The following FAM169A variants were observed in gnomAD, a reference collection of about 807,000 sequenced individuals.
FAM169A encodes the protein family with sequence similarity 169 member A.
A neutral mutation model predicts 75.7 loss-of-function variants in FAM169A; 24 were observed. The ratio of observed to expected loss-of-function variants is 0.32; its 90% confidence interval spans 0.23 to 0.45. The LOEUF (loss-of-function observed/expected upper bound fraction) is 0.45. FAM169A is among the 20% of genes least tolerant of loss of function. The probability of loss-of-function intolerance (pLI) is 1.00; values close to 1 mark genes in which losing one functional copy is unlikely to be tolerated. For missense variants in FAM169A, 673 were observed against 784.0 expected, an observed-to-expected ratio of 0.86 and a Z score of 1.69; for synonymous variants, 271 against 271.0, an observed-to-expected ratio of 1.00 and a Z score of 0.00.
In FAM169A at chr5:74,804,561, C is replaced by G; in HGVS notation, c.844G>C (p.Gly282Arg). 6.2e-7 allele frequency: 1 copy of G among 1,612,212 alleles called. No individual in the cohort carries two copies. Among genetic ancestry groups the G allele is most frequent in the South Asian group, 1.1e-5 (1 of 90,666 alleles). The change falls in exon 8 of 13, where the codon GGT becomes CGT. Residue 282 changes from glycine to arginine, a missense_variant. Gly to Arg is a moderately radical substitution (Grantham distance 125). Around this residue, in one of 3 missense-constraint regions of FAM169A, gnomAD observed 510 missense variants for 550.9 expected, o/e 0.93. Coordinates refer to ENST00000687041, the MANE Select transcript of FAM169A (RefSeq NM_001376049.1). ...TCGTATTCTGGAACAGATGCAGGAC[C>G]ATATTCTCCAGACATAGGTCTTTTA... Reference protein sequence around the residue: ...EPKRPMSGEYGPASVPEYEAR... With the variant: ...EPKRPMSGEYRPASVPEYEAR...
chr5:74,831,470 G>A (rs966182697), intron 5 of FAM169A, among the ~76,000 whole-genome samples: 12 of 152,144 alleles, frequency 7.9e-5, no homozygotes, highest in African/African-American at 2.9e-4. Flanking sequence ...CTAAGGTACA[G>A]ATTGAATAAC....
chr5:74,846,469 CACTT>C (rs1561322350), intron 1 of FAM169A, among the ~76,000 whole-genome samples: 2 of 152,168 alleles, frequency 1.3e-5, no homozygotes. Flanking sequence ...ATTTCTTTTT[CACTT>C]ACTGTTACTA....
At chr5:74,783,999 AAAAT>A (rs1222882214) in intron 11 of FAM169A, among the ~76,000 whole-genome samples, 1 of 152,116 alleles carries the variant, frequency 6.6e-6, no homozygotes, top group Non-Finnish European at 1.5e-5. Flanking sequence ...AAATTGTTCT[AAAAT>A]AAAAATTGTC....
intron 5 of FAM169A, 56 bp downstream of exon 5, chr5:74,834,370 G>T (rs1175691824): frequency 1.1e-5 from 11 of 1,029,004 alleles, no homozygotes; most frequent in Non-Finnish European, 9.3e-6. Flanking sequence ...ACAGTTGGAG[G>T]GGTCTAAAAT....
intron 12 of FAM169A, 70 bp downstream of exon 12, chr5:74,782,861 C>T: frequency 6.3e-6 from 7 of 1,107,124 alleles, no homozygotes; most frequent in South Asian, 1.5e-5. Context: ...ATATATATAC[C>T]ATGCACCCTC....
chr5:74,799,068 C>T, intron 10 of FAM169A: 3 of 1,009,316 alleles, frequency 3.0e-6, no homozygotes, highest in East Asian at 2.4e-5. Context: ...AGATTGCCCT[C>T]AGTGTCAATA....
intron 1 of FAM169A, among the ~76,000 whole-genome samples, chr5:74,857,571 GGAAAAAAAAAAAAAA>G (rs1249316413): frequency 2.9e-4 from 19 of 65,718 alleles, no homozygotes; most frequent in African/African-American, 1.1e-3. Flanking sequence ...CCTTGCCGCG[GGAAAAAAAAAAAAAA>G]AAAAAAAAAA....
At chr5:74,817,533 C>T (rs1430758176) in intron 5 of FAM169A, among the ~76,000 whole-genome samples, 1 of 151,828 alleles carries the variant, frequency 6.6e-6, no homozygotes, top group Non-Finnish European at 1.5e-5. Context: ...TTAGAGAACA[C>T]CTAAAAAAAA....
At chr5:74,834,183 C>A (rs1156688336) in intron 5 of FAM169A, among the ~76,000 whole-genome samples, 1 of 152,060 alleles carries the variant, frequency 6.6e-6, no homozygotes, top group Admixed American at 6.5e-5. Context: ...ACTGTGTCTC[C>A]ATATATATGG....
intron 5 of FAM169A, among the ~76,000 whole-genome samples, chr5:74,823,195 T>C (rs1300212213): frequency 6.6e-6 from 1 of 152,204 alleles, no homozygotes; most frequent in African/African-American, 2.4e-5. Flanking sequence ...TTAAGATCCT[T>C]TGCAATGGGA....
At chr5:74,847,899 A>G (rs1288279558) in intron 1 of FAM169A, among the ~76,000 whole-genome samples, 1 of 152,206 alleles carries the variant, frequency 6.6e-6, no homozygotes, top group Non-Finnish European at 1.5e-5. Flanking sequence ...TGTGTCCCAG[A>G]GTCTGACAAT....
rs758812085 is a variant in FAM169A, at chr5:74,803,484, A to C, written c.912+1009T>G. On this transcript the variant is annotated intron_variant, in intron 8 of 12. Coordinates refer to ENST00000687041, the MANE Select transcript of FAM169A (RefSeq NM_001376049.1). Reference sequence around the variant, plus strand: ...ATTGAGACAGAAAATAAGCACAAATAATTCCCTAAAGCAGTTGTTTCTAAC... The same window carrying C: ...ATTGAGACAGAAAATAAGCACAAATCATTCCCTAAAGCAGTTGTTTCTAAC... Among the ~76,000 whole-genome samples the C allele has an allele frequency of 2.0e-5, 3 of 152,134 alleles. No individual in the cohort carries two copies. In the East Asian group the frequency reaches 5.8e-4, roughly 29 times the overall value.
chr5:74,785,979 T>C (rs1745676034), intron 11 of FAM169A, among the ~76,000 whole-genome samples: 2 of 152,172 alleles, frequency 1.3e-5, no homozygotes, highest in South Asian at 4.1e-4. Context: ...TTTGAGTCAG[T>C]GGACTGGGAG....
chr5:74,853,850 G>A (rs1325102557), intron 1 of FAM169A, among the ~76,000 whole-genome samples: 1 of 151,120 alleles, frequency 6.6e-6, no homozygotes, highest in Non-Finnish European at 1.5e-5. Context: ...TAGGACTACA[G>A]GCACCTGCCA....
chr5:74,807,880 A>G (rs948339638), intron 6 of FAM169A, among the ~76,000 whole-genome samples: 8 of 152,208 alleles, frequency 5.3e-5, no homozygotes, highest in Non-Finnish European at 2.9e-5. Context: ...GCATTTTGGG[A>G]GGCCAAGGTA....
At chr5:74,865,065 C>T (rs1750244023) in intron 1 of FAM169A, among the ~76,000 whole-genome samples, 1 of 152,208 alleles carries the variant, frequency 6.6e-6, no homozygotes, top group South Asian at 2.1e-4. Context: ...CAAATGTGTG[C>T]ATTATGCAAC....
intron 1 of FAM169A, among the ~76,000 whole-genome samples, chr5:74,857,472 C>T (rs1355076570): frequency 6.9e-6 from 1 of 144,998 alleles, no homozygotes; most frequent in Non-Finnish European, 1.5e-5. Flanking sequence ...GGCTTGAGTC[C>T]GGGAGGCAGA....
chr5:74,834,331 C>CTAGA, intron 5 of FAM169A, 95 bp downstream of exon 5: 1 of 661,274 alleles, frequency 1.5e-6, no homozygotes. Flanking sequence ...AATTTGCATG[C>CTAGA]TAGAGATTAA....
chr5:74,830,062 G>A (rs1183509674), intron 5 of FAM169A, among the ~76,000 whole-genome samples: 1 of 152,122 alleles, frequency 6.6e-6, no homozygotes, highest in Non-Finnish European at 1.5e-5. Flanking sequence ...TCTACCAAAA[G>A]TAATTACTGT....
Sources: gnomAD v4.1 joint callset for allele counts (sites outside exome capture counted in the v4.1 genomes callset) on GRCh38, gnomAD v4.1.1 for gene constraint, gnomAD v4.1.1 regional missense constraint, MANE v1.5 for transcripts, NCBI Gene and HGNC (gene_info 2026-07-23, HGNC 2026-07-21) for gene names.